Variants in PSKH2 observed in about 807,000 individuals in gnomAD.
PSKH2 encodes protein serine kinase H2, also known as serine/threonine-protein kinase H2.
Under a neutral mutation model 22.5 loss-of-function variants are expected in PSKH2, and 16 were observed. That is an observed-to-expected ratio of 0.71 (90% CI 0.48 to 1.08). The LOEUF (loss-of-function observed/expected upper bound fraction) is 1.08. PSKH2 is among the 50% of genes least tolerant of loss of function. The pLI, the probability that PSKH2 is intolerant of heterozygous loss-of-function variation, is 0.00. For synonymous variants in PSKH2, 188 were observed against 184.8 expected, an observed-to-expected ratio of 1.02 and a Z score of -0.14; for missense variants, 516 against 492.8, an observed-to-expected ratio of 1.05 and a Z score of -0.44.
At chr8:86,052,152 C>T (rs1817640693) in intron 2 of PSKH2, among the ~76,000 whole-genome samples, 1 of 152,038 alleles carries the variant, frequency 6.6e-6, no homozygotes, top group South Asian at 2.1e-4. Flanking sequence ...AACTAGGAAA[C>T]CATAGGTTGA....
intron 2 of PSKH2, among the ~76,000 whole-genome samples, chr8:86,057,722 C>A (rs753930704): frequency 1.3e-5 from 2 of 152,122 alleles, no homozygotes; most frequent in Non-Finnish European, 2.9e-5. Flanking sequence ...TCAATGTATT[C>A]CTTTATGTGC....
At position 86,052,623 on chromosome 8, in the gene PSKH2, G is replaced by C. The variant is rs1226712956; in HGVS notation, c.853-3856C>G. Among the ~76,000 whole-genome samples the C allele has an allele frequency of 5.3e-5, 8 of 152,260 alleles. No individual in the cohort carries two copies. In the East Asian group the frequency reaches 1.3e-3, roughly 26 times the overall value. On this transcript the variant is annotated intron_variant, in intron 2 of 2. Transcript: ENST00000276616. The stretch of plus-strand genomic sequence containing the variant: ...CCTTAATTCCTTCCTCAGTTCTTTT[G>C]TGGATAGATTAACTGACTGCACTTA...
At position 86,048,102 on chromosome 8, in the gene PSKH2, C is replaced by T. The variant is rs978311615; in HGVS notation, c.*360G>A. Among the ~76,000 whole-genome samples, 3 of 152,062 alleles carry T rather than the reference C, an allele frequency of 2.0e-5. No individual in the cohort carries two copies. The highest frequency in any genetic ancestry group is 4.4e-5 in the Non-Finnish European group (3 of 68,012). On this transcript the variant is annotated 3_prime_UTR_variant, in exon 3 of 3. Coordinates refer to ENST00000276616, the MANE Select transcript of PSKH2 (RefSeq NM_033126.3). ...ATTTCAGGATAAATACATATATTCC[C>T]CATATCTAACTATTCCTGCTATGTC...
chr8:86,054,151 A>G (rs1817669659), intron 2 of PSKH2, among the ~76,000 whole-genome samples: 1 of 152,240 alleles, frequency 6.6e-6, no homozygotes, highest in South Asian at 2.1e-4. Flanking sequence ...TAATGTTACA[A>G]TTTGCTAAAT....
At chr8:86,068,352 C>G (rs990849185) in intron 1 of PSKH2, among the ~76,000 whole-genome samples, 4 of 152,142 alleles carry the variant, frequency 2.6e-5, no homozygotes, top group African/African-American at 9.7e-5. Flanking sequence ...GAAGGGGATT[C>G]CGTGATTTAC....
intron 2 of PSKH2, among the ~76,000 whole-genome samples, chr8:86,051,751 A>G (rs1817633794): frequency 6.6e-6 from 1 of 152,214 alleles, no homozygotes; most frequent in Admixed American, 6.5e-5. Flanking sequence ...AGAGTATAAA[A>G]TATGTGCAAC....
intron 2 of PSKH2, among the ~76,000 whole-genome samples, chr8:86,053,302 T>A (rs1348645023): frequency 1.3e-5 from 2 of 152,118 alleles, no homozygotes; most frequent in African/African-American, 4.8e-5. Context: ...CTGACTCTGT[T>A]CTCCCTCCTA....
chr8:86,051,318 C>T (rs1409621732), intron 2 of PSKH2, among the ~76,000 whole-genome samples: 1 of 152,118 alleles, frequency 6.6e-6, no homozygotes, highest in Non-Finnish European at 1.5e-5. Flanking sequence ...AAACTCCTAA[C>T]CTCAGGTGAT....
chr8:86,069,771 A>T (rs76652851), upstream of PSKH2: 3,215 of 865,012 alleles, frequency 3.7e-3, 78 homozygotes, highest in African/African-American at 0.049. Flanking sequence ...GACAGCCCCC[A>T]GGATACCCGC....
chr8:86,051,625 C>T (rs1817632084), intron 2 of PSKH2, among the ~76,000 whole-genome samples: 1 of 152,208 alleles, frequency 6.6e-6, no homozygotes, highest in Non-Finnish European at 1.5e-5. Context: ...TCTGGCTAGA[C>T]ATCTATTTGG....
intron 2 of PSKH2, among the ~76,000 whole-genome samples, chr8:86,049,682 GA>G (rs1220030826): frequency 2.2e-4 from 2 of 9,266 alleles, no homozygotes; most frequent in South Asian, 2.8e-3. Context: ...AAAGAAGAAA[GA>G]AAGAAAGAAA....
At chr8:86,051,398 T>A (rs992069202) in intron 2 of PSKH2, among the ~76,000 whole-genome samples, 16 of 152,212 alleles carry the variant, frequency 1.1e-4, no homozygotes, top group Admixed American at 7.9e-4. Flanking sequence ...TAATCCAGAA[T>A]TTGAATAATA....
intron 2 of PSKH2, among the ~76,000 whole-genome samples, chr8:86,061,136 A>C (rs1181362052): frequency 6.6e-6 from 1 of 151,936 alleles, no homozygotes; most frequent in African/African-American, 2.4e-5. Context: ...AGAAATATTA[A>C]TATCTCCCCT....
Position 86,064,528 on chromosome 8 carries a change from T to G in PSKH2, c.289A>C (p.Arg97=). The change falls in exon 2 of 3, where the codon AGA becomes CGA. Residue 97 remains arginine (R), a synonymous_variant. Coordinates refer to ENST00000276616, the MANE Select transcript of PSKH2 (RefSeq NM_033126.3). ...KPFAIKVMET[R]EREGREACVS... ...CACGCTTCTCTACCTTCCCTCTCTC[T>G]GGTTTCCATCACTTTTATTGCAAAA... is the stretch of plus-strand genomic sequence containing the variant. 6.2e-7 allele frequency: 1 copy of G among 1,614,026 alleles called. No homozygotes were observed.
intron 2 of PSKH2, among the ~76,000 whole-genome samples, chr8:86,056,573 G>GA (rs1304560331): frequency 2.0e-5 from 3 of 152,014 alleles, no homozygotes; most frequent in South Asian, 2.1e-4. Flanking sequence ...TTGTACTGCA[G>GA]AAAAAAAGCC....
At chr8:86,049,742 GAAAGAAACGAAAGAAA>G (rs1163177513) in intron 2 of PSKH2, among the ~76,000 whole-genome samples, 1,176 of 24,980 alleles carry the variant, frequency 0.047, 103 homozygotes, top group African/African-American at 0.16. Context: ...AAGAAAGAAA[GAAAGAAACGAAAGAAA>G]GAAAGAAAGA....
intron 2 of PSKH2, among the ~76,000 whole-genome samples, chr8:86,054,183 A>G (rs1263492789): frequency 6.6e-6 from 1 of 150,548 alleles, no homozygotes; most frequent in Non-Finnish European, 1.5e-5. Flanking sequence ...GAAGTATAGG[A>G]CAATTATTGG....
intron 2 of PSKH2, among the ~76,000 whole-genome samples, chr8:86,055,128 T>G (rs911271200): frequency 3.9e-5 from 6 of 152,192 alleles, no homozygotes; most frequent in Non-Finnish European, 8.8e-5. Flanking sequence ...AGTGTACATC[T>G]ATTAAAGTAT....
chr8:86,057,627 C>T (rs377345536), intron 2 of PSKH2, among the ~76,000 whole-genome samples: 8 of 151,958 alleles, frequency 5.3e-5, no homozygotes, highest in East Asian at 3.9e-4. Flanking sequence ...CCTTATGATC[C>T]GCCCACCTCG....
Sources: allele counts gnomAD v4.1 joint callset (sites outside exome capture counted in the v4.1 genomes callset), GRCh38; gene constraint gnomAD v4.1.1; transcripts MANE v1.5; gene names NCBI Gene and HGNC (gene_info 2026-07-23, HGNC 2026-07-21).